The following SEC61A2 variants were observed in gnomAD, a reference collection of about 807,000 sequenced individuals.
SEC61A2 encodes SEC61 translocon subunit alpha 2, also known as protein transport protein Sec61 subunit alpha isoform 2.
In SEC61A2, 28 loss-of-function variants were observed where a neutral mutation model predicts 59.9. The ratio of observed to expected loss-of-function variants is 0.47; its 90% CI spans 0.35 to 0.64. The LOEUF (loss-of-function observed/expected upper bound fraction) is 0.64. SEC61A2 is among the 30% of genes least tolerant of loss of function. The pLI is 0.01. For missense variants in SEC61A2, 340 were observed against 585.9 expected, an observed-to-expected ratio of 0.58 and a Z score of 4.33; for synonymous variants, 202 against 214.4, an observed-to-expected ratio of 0.94 and a Z score of 0.50.
In SEC61A2 at chr10:12,134,088, G is replaced by A. The variant is rs546199146; in HGVS notation, c.75+780G>A. 5.9e-5 allele frequency among the ~76,000 whole-genome samples: 8 copies of A among 135,060 alleles called. No individual in the cohort carries two copies. The East Asian group carries it at 1.3e-3, about 21-fold the overall frequency. The allele number at this position is 135,060 out of a possible 152,430, so 88.6% of individuals were successfully genotyped here. A position where few individuals can be genotyped will look rare whatever the true frequency, so the allele number is the denominator to read the frequency against. ...GTGGCGCCATCAAGGCTCACTGCAA[G>A]CTCCGCCTCCCGGGTTCACGCCATT... On this transcript the variant is annotated intron_variant, in intron 2 of 11. Transcript: ENST00000298428.
chr10:12,155,173 G>C lies in SEC61A2; in HGVS notation c.463-605G>C, dbSNP rs1834367667. On this transcript the variant is annotated intron_variant, in intron 6 of 11. Coordinates refer to ENST00000298428, the MANE Select transcript of SEC61A2 (RefSeq NM_018144.4). The surrounding 1 kb of genome is among the most constrained non-coding windows in gnomAD (Gnocchi z 4.3). ...GTCTTCAAATTTACATTCAATCTTT[G>C]TCACTATGTGTATAGAATGCATTTT... 2 of 448,928 alleles carry C rather than the reference G, an allele frequency of 4.5e-6. No individual in the cohort carries two copies. The highest frequency in any genetic ancestry group is 4.0e-5 in the African/African-American group (2 of 49,522). 27.8% of individuals were successfully genotyped at this position (448,928 alleles called of 1,614,324 possible). A position where few individuals can be genotyped will look rare whatever the true frequency, so the allele number is the denominator to read the frequency against.
At chr10:12,130,613 C>T (rs1833712649) in intron 1 of SEC61A2, 3 of 154,280 alleles carry the variant, frequency 1.9e-5, no homozygotes, top group African/African-American at 4.8e-5. Context: ...GTCAAGAAAT[C>T]TGAGAGTGGC....
intron 11 of SEC61A2, among the ~76,000 whole-genome samples, chr10:12,163,975 A>C (rs939346244): frequency 2.6e-5 from 4 of 152,204 alleles, no homozygotes; most frequent in African/African-American, 9.6e-5. Context: ...TAAAAATCTT[A>C]AACATTTTAA....
intron 2 of SEC61A2, among the ~76,000 whole-genome samples, 192 bp from the exon 3 acceptor site, chr10:12,135,913 A>G (rs1436226676): frequency 6.6e-6 from 1 of 152,206 alleles, no homozygotes; most frequent in Non-Finnish European, 1.5e-5. Context: ...GTGTGTGTAT[A>G]TGTATGAGAG....
intron 6 of SEC61A2, among the ~76,000 whole-genome samples, chr10:12,151,376 A>C (rs1834270002): frequency 6.7e-6 from 1 of 148,574 alleles, no homozygotes; most frequent in Admixed American, 6.7e-5. Context: ...CAGTGGCACG[A>C]TCTCGGCTCA....
downstream of SEC61A2, chr10:12,167,821 G>A (rs370475078): frequency 3.1e-6 from 5 of 1,613,036 alleles, no homozygotes; most frequent in African/African-American, 6.7e-5. Context: ...GCTGTGGAAA[G>A]CAAAGAAAAC....
Position 12,153,895 on chromosome 10 carries a change from T to A in SEC61A2, c.463-1883T>A. The A allele has an allele frequency of 1.5e-6, 2 of 1,292,682 alleles. No individual in the cohort carries two copies. 80.1% of individuals were successfully genotyped at this position (1,292,682 alleles called of 1,614,324 possible). On this transcript the variant is annotated intron_variant, in intron 6 of 11. Coordinates refer to ENST00000298428, the MANE Select transcript of SEC61A2 (RefSeq NM_018144.4). This position sits in a 1 kb window ranked among gnomAD's most constrained non-coding sequence, Gnocchi z 5.2. ...TGTTTCATTCACGTGGTTAGTGTTTTTCAGCTAGTGAGTTTAGAAATCTAC... is the reference window on the plus strand; with the variant it reads ...TGTTTCATTCACGTGGTTAGTGTTTATCAGCTAGTGAGTTTAGAAATCTAC...
Position 12,142,416 on chromosome 10 carries a change from C to A in SEC61A2, c.142-701C>A. 2.2e-6 allele frequency: 1 copy of A among 450,902 alleles called. No individual in the cohort carries two copies. The highest frequency in any genetic ancestry group is 2.9e-6 in the Non-Finnish European group (1 of 341,592). The allele number at this position is 450,902 out of a possible 1,614,324, so 27.9% of individuals were successfully genotyped here. A position where few individuals can be genotyped will look rare whatever the true frequency, so the allele number is the denominator to read the frequency against. ...ATTTAGTTTTATGACATAAGTACTTCTTCCATGTTATTACAGATTGAGTAA... is the reference window on the plus strand; with the variant it reads ...ATTTAGTTTTATGACATAAGTACTTATTCCATGTTATTACAGATTGAGTAA... On this transcript the variant is annotated intron_variant, in intron 3 of 11. Coordinates refer to ENST00000298428, the MANE Select transcript of SEC61A2 (RefSeq NM_018144.4). This position sits in a 1 kb window ranked among gnomAD's most constrained non-coding sequence, Gnocchi z 5.4.
intron 3 of SEC61A2, among the ~76,000 whole-genome samples, chr10:12,140,715 C>T (rs1212967900): frequency 2.0e-5 from 3 of 152,090 alleles, no homozygotes; most frequent in Admixed American, 6.6e-5. Context: ...CCTCCCTCAG[C>T]CCCCGGAGTA....
In SEC61A2 at chr10:12,151,722, C is replaced by T. The variant is rs1044967666; in HGVS notation, c.462+1761C>T. Among the ~76,000 whole-genome samples the T allele has an allele frequency of 2.0e-4, 31 of 152,254 alleles. 1 individual carries two copies. Among genetic ancestry groups the T allele is most frequent in the African/African-American group, 7.0e-4 (29 of 41,546 alleles). On this transcript the variant is annotated intron_variant, in intron 6 of 11. Transcript: ENST00000298428. ...TACATAGAAGGAAATCTGACTGTCT[C>T]AGACTGGCATGGTTGAGCATTCTGG...
chr10:12,132,181 A>G (rs1420788602), intron 1 of SEC61A2, among the ~76,000 whole-genome samples: 2 of 151,608 alleles, frequency 1.3e-5, no homozygotes, highest in African/African-American at 2.4e-5. Context: ...TGCGCCTGTA[A>G]TCCCAGCTAT....
chr10:12,154,773 A>T lies in SEC61A2; in HGVS notation c.463-1005A>T, dbSNP rs1834359106. 6.6e-6 allele frequency among the ~76,000 whole-genome samples: 1 copy of T among 152,096 alleles called. No individual in the cohort carries two copies. Among genetic ancestry groups the T allele is most frequent in the African/African-American group, 2.4e-5 (1 of 41,422 alleles). On this transcript the variant is annotated intron_variant, in intron 6 of 11. Coordinates refer to ENST00000298428, the MANE Select transcript of SEC61A2 (RefSeq NM_018144.4). The surrounding 1 kb of genome is among the most constrained non-coding windows in gnomAD (Gnocchi z 5.2). ...AGGTAAGCATGCCTAAAATGGTCTC[A>T]TGTGGTTACTTTGGTCGCTCTTCCA...
Position 12,161,212 on chromosome 10 carries a change from T to A in SEC61A2, c.1167+91T>A. ...TAGCACTTTGGCAGGCTGAGGCCGCTGGATCGCTTCACCTCAGGAGTTTTG... is the reference window on the plus strand; with the variant it reads ...TAGCACTTTGGCAGGCTGAGGCCGCAGGATCGCTTCACCTCAGGAGTTTTG... On this transcript the variant is annotated intron_variant, in intron 10 of 11. Transcript: ENST00000298428. The surrounding 1 kb of genome is among the most constrained non-coding windows in gnomAD (Gnocchi z 5.4). 1 of 1,014,510 alleles carries A rather than the reference T, an allele frequency of 9.9e-7. No homozygotes were observed. The highest frequency in any genetic ancestry group is 1.4e-6 in the Non-Finnish European group (1 of 696,458). 62.8% of individuals were successfully genotyped at this position (1,014,510 alleles called of 1,614,324 possible). A position where few individuals can be genotyped will look rare whatever the true frequency, so the allele number is the denominator to read the frequency against.
At chr10:12,132,248 C>T (rs1833767583) in intron 1 of SEC61A2, among the ~76,000 whole-genome samples, 2 of 151,252 alleles carry the variant, frequency 1.3e-5, no homozygotes, top group Admixed American at 6.6e-5. Flanking sequence ...TTGCAGTGAG[C>T]CGAGATGGCG....
In SEC61A2 at chr10:12,142,918, C is replaced by G. The variant is rs911846679; in HGVS notation, c.142-199C>G. ...AAGAATAGTTTTTAAAAAAGTATTGCAAGCAGTAAGTGAATACCTTGTAAA... is the reference window on the plus strand; with the variant it reads ...AAGAATAGTTTTTAAAAAAGTATTGGAAGCAGTAAGTGAATACCTTGTAAA... On this transcript the variant is annotated intron_variant, in intron 3 of 11. Coordinates refer to ENST00000298428, the MANE Select transcript of SEC61A2 (RefSeq NM_018144.4). This position sits in a 1 kb window ranked among gnomAD's most constrained non-coding sequence, Gnocchi z 5.4. Among the ~76,000 whole-genome samples, 1 of 151,426 alleles carries G rather than the reference C, an allele frequency of 6.6e-6. No individual in the cohort carries two copies. Among genetic ancestry groups the G allele is most frequent in the East Asian group, 1.9e-4 (1 of 5,170 alleles).
In SEC61A2 at chr10:12,149,499, GT is replaced by G. The variant is rs1414046426; in HGVS notation, c.221-95del. The G allele has an allele frequency of 4.1e-6, 5 of 1,217,304 alleles. No homozygotes were observed. Among genetic ancestry groups the G allele is most frequent in the Non-Finnish European group, 5.7e-6 (5 of 874,936 alleles). 75.4% of individuals were successfully genotyped at this position (1,217,304 alleles called of 1,614,324 possible). On this transcript the variant is annotated intron_variant, in intron 4 of 11. Coordinates refer to ENST00000298428, the MANE Select transcript of SEC61A2 (RefSeq NM_018144.4). This position sits in a 1 kb window ranked among gnomAD's most constrained non-coding sequence, Gnocchi z 5.2. ...AATTTGCTTGTTAAAATTTTCACGT[GT>G]GTTTCAGTTGAGGTAATTAGGGAGT...
At chr10:12,130,132 T>A (rs888343913) in intron 1 of SEC61A2, among the ~76,000 whole-genome samples, 1 of 152,142 alleles carries the variant, frequency 6.6e-6, no homozygotes, top group Non-Finnish European at 1.5e-5. Context: ...AAATCCCGTG[T>A]TTTTATTCCC....
intron 3 of SEC61A2, among the ~76,000 whole-genome samples, chr10:12,140,935 T>G (rs958787970): frequency 2.0e-5 from 3 of 152,048 alleles, no homozygotes; most frequent in African/African-American, 7.2e-5. Flanking sequence ...AGTCTTGTTT[T>G]GTCGCCCAGG....
At position 12,129,934 on chromosome 10, in the gene SEC61A2, G is replaced by C. The variant is rs1833691021; in HGVS notation, c.7+140G>C. 1.3e-6 allele frequency: 1 copy of C among 744,974 alleles called. No individual in the cohort carries two copies. The highest frequency in any genetic ancestry group is 1.9e-6 in the Non-Finnish European group (1 of 534,538). The allele number at this position is 744,974 out of a possible 1,614,324, so 46.1% of individuals were successfully genotyped here. A position where few individuals can be genotyped will look rare whatever the true frequency, so the allele number is the denominator to read the frequency against. On this transcript the variant is annotated intron_variant, in intron 1 of 11. Transcript: ENST00000298428. This position sits in a 1 kb window ranked among gnomAD's most constrained non-coding sequence, Gnocchi z 5.6. ...GCTCCGGGCCTCAGCGGAGGGCACGGGCCGGGGGCCTCCGCCGAGGCTCCC... is the reference window on the plus strand; with the variant it reads ...GCTCCGGGCCTCAGCGGAGGGCACGCGCCGGGGGCCTCCGCCGAGGCTCCC...
Sources: allele counts gnomAD v4.1 joint callset (sites outside exome capture counted in the v4.1 genomes callset), GRCh38; gene constraint gnomAD v4.1.1; non-coding constraint Gnocchi (gnomAD v3.1); transcripts MANE v1.5; gene names NCBI Gene and HGNC (gene_info 2026-07-23, HGNC 2026-07-21).